The following SLC12A8 variants were observed in gnomAD, a reference collection of about 807,000 sequenced individuals.
SLC12A8 encodes the protein solute carrier family 12 member 8, also known as cation-chloride cotransporter 9.
In SLC12A8, 69 loss-of-function variants were observed where a neutral mutation model predicts 75.6. The ratio of observed to expected loss-of-function variants is 0.91; its 90% CI spans 0.75 to 1.11. SLC12A8 has a LOEUF of 1.11. Ranked by LOEUF, SLC12A8 falls within the 50% of genes most tolerant of loss-of-function variation. The pLI is 0.00. For synonymous variants in SLC12A8, 365 were observed against 372.8 expected, an observed-to-expected ratio of 0.98 and a Z score of 0.24; for missense variants, 877 against 896.7, an observed-to-expected ratio of 0.98 and a Z score of 0.28.
At chr3:125,131,706 C>G (rs1933362626) in intron 6 of SLC12A8, among the ~76,000 whole-genome samples, 1 of 152,154 alleles carries the variant, frequency 6.6e-6, no homozygotes, top group African/African-American at 2.4e-5. Flanking sequence ...TTAGTAACAG[C>G]AAAGCCTTAA....
intron 2 of SLC12A8, among the ~76,000 whole-genome samples, chr3:125,200,552 C>A (rs111994282): frequency 5.9e-5 from 9 of 152,096 alleles, no homozygotes; most frequent in African/African-American, 2.2e-4. Flanking sequence ...TTTTGGCTGA[C>A]CTGGCATTAG....
chr3:125,148,574 T>C (rs1479152204), intron 5 of SLC12A8, among the ~76,000 whole-genome samples: 4 of 152,012 alleles, frequency 2.6e-5, no homozygotes, highest in Non-Finnish European at 5.9e-5. Context: ...TGGGGCATCA[T>C]CTCCTGCCAG....
At position 125,177,946 on chromosome 3, in the gene SLC12A8, C is replaced by A. The variant is rs375031336; in HGVS notation, c.419G>T (p.Gly140Val). 2 of 1,613,618 alleles carry A rather than the reference C, an allele frequency of 1.2e-6. No homozygotes were observed. The highest frequency in any genetic ancestry group is 1.3e-5 in the African/African-American group (1 of 74,928). The part of the protein sequence containing the change: ...QCVAGAMYIT[G>V]FAESISDLLG... ...CAAATCCGAGATGGATTCAGCAAAG[C>A]CGGTGATATACATGGCACCTGCAAC... The change falls in exon 5 of 14, where the codon GGC becomes GTC. Residue 140 changes from glycine (G) to valine (V), a missense_variant. Transcript: ENST00000469902.
chr3:125,211,225 G>C (rs1462600267), intron 2 of SLC12A8, 74 bp downstream of exon 2: 7 of 1,216,626 alleles, frequency 5.8e-6, no homozygotes, highest in Non-Finnish European at 7.3e-6. Context: ...TGTAATGTTT[G>C]CATCCAGCCC....
intron 10 of SLC12A8, among the ~76,000 whole-genome samples, chr3:125,094,919 T>G (rs1354228917): frequency 6.6e-6 from 1 of 152,236 alleles, no homozygotes; most frequent in African/African-American, 2.4e-5. Flanking sequence ...ATGTGATCAC[T>G]TTCTCCTTCT....
intron 10 of SLC12A8, 61 bp from the exon 11 acceptor site, chr3:125,092,259 A>G: frequency 8.5e-7 from 1 of 1,174,642 alleles, no homozygotes; most frequent in Non-Finnish European, 1.3e-6. Flanking sequence ...GTTTTTTAGG[A>G]AAATATACCT....
chr3:125,151,093 G>A (rs1335231068), intron 5 of SLC12A8: 3 of 152,112 alleles, frequency 2.0e-5, no homozygotes, highest in African/African-American at 7.2e-5. Flanking sequence ...TCATAAAGAC[G>A]CTTCGAAAAA....
At chr3:125,099,990 G>T (rs1462385338) in intron 10 of SLC12A8, among the ~76,000 whole-genome samples, 1 of 152,142 alleles carries the variant, frequency 6.6e-6, no homozygotes, top group Non-Finnish European at 1.5e-5. Context: ...TCTACAGTTA[G>T]AAAGCACAGT....
chr3:125,168,045 A>G (rs935924426), intron 5 of SLC12A8, among the ~76,000 whole-genome samples: 3 of 152,194 alleles, frequency 2.0e-5, no homozygotes, highest in Admixed American at 1.3e-4. Context: ...AGTGCATAGG[A>G]GGTGTCAGTC....
intron 5 of SLC12A8, among the ~76,000 whole-genome samples, chr3:125,167,245 G>A (rs1934309450): frequency 6.6e-6 from 1 of 152,030 alleles, no homozygotes; most frequent in Non-Finnish European, 1.5e-5. Context: ...TGCCTCCCGG[G>A]TTCAAGAGAT....
At chr3:125,115,090 C>T (rs1939276616) in intron 8 of SLC12A8, among the ~76,000 whole-genome samples, 1 of 152,100 alleles carries the variant, frequency 6.6e-6, no homozygotes, top group Non-Finnish European at 1.5e-5. Context: ...CTGCTATGTG[C>T]CAGGTAAAAT....
chr3:125,111,906 A>T (rs1399141897), intron 8 of SLC12A8, among the ~76,000 whole-genome samples: 1 of 152,238 alleles, frequency 6.6e-6, no homozygotes. Flanking sequence ...CTGGAGGCAC[A>T]CCCAGCCTCT....
At position 125,115,980 on chromosome 3, in the gene SLC12A8, ACCTCCCAACCAGTGTAGGTTGCAC is replaced by A. The variant is rs370205072; in HGVS notation, c.912+2765_912+2788del. Among the ~76,000 whole-genome samples the A allele has an allele frequency of 7.0e-4, 107 of 152,234 alleles. 1 individual carries two copies. Among genetic ancestry groups the A allele is most frequent in the African/African-American group, 2.5e-3 (102 of 41,546 alleles). On this transcript the variant is annotated intron_variant, in intron 8 of 13. Coordinates refer to ENST00000469902, the MANE Select transcript of SLC12A8 (RefSeq NM_024628.6). ...CAAAGTAAAGAAACTCCGCCCTTGC[ACCTCCCAACCAGTGTAGGTTGCAC>A]CCTCCCATTCTCCAGGTACTGCCAG... is the stretch of plus-strand genomic sequence containing the variant.
intron 6 of SLC12A8, among the ~76,000 whole-genome samples, chr3:125,133,565 AC>A (rs1933415532): frequency 6.6e-6 from 1 of 152,034 alleles, no homozygotes; most frequent in South Asian, 2.1e-4. Flanking sequence ...TGCTGGGACT[AC>A]AGGTGCATGC....
At chr3:125,100,490 C>A (rs1448287226) in intron 10 of SLC12A8, among the ~76,000 whole-genome samples, 10 of 151,748 alleles carry the variant, frequency 6.6e-5, no homozygotes, top group African/African-American at 2.4e-4. Flanking sequence ...TCACCGCAAC[C>A]TCCACCTCCC....
At chr3:125,191,538 A>G (rs943171711) in intron 2 of SLC12A8, among the ~76,000 whole-genome samples, 2 of 152,236 alleles carry the variant, frequency 1.3e-5, no homozygotes, top group Non-Finnish European at 2.9e-5. Context: ...ACTGTGTGCA[A>G]TGAATCTGGA....
intron 6 of SLC12A8, among the ~76,000 whole-genome samples, chr3:125,124,507 A>G (rs777150023): frequency 1.3e-5 from 2 of 152,036 alleles, no homozygotes; most frequent in Non-Finnish European, 2.9e-5. Context: ...TTGTATTTTT[A>G]GTAGAGATGG....
chr3:125,193,238 T>A (rs1199284350), intron 2 of SLC12A8, among the ~76,000 whole-genome samples: 1 of 152,104 alleles, frequency 6.6e-6, no homozygotes, highest in East Asian at 1.9e-4. Flanking sequence ...GGTGTGGTTG[T>A]GTGTGCCTGT....
intron 10 of SLC12A8, among the ~76,000 whole-genome samples, chr3:125,107,152 G>A (rs1331927444): frequency 2.0e-5 from 3 of 152,106 alleles, no homozygotes; most frequent in African/African-American, 4.8e-5. Context: ...CACTTCTCTT[G>A]TAAGGAGAGA....
Sources: gnomAD v4.1 joint callset for allele counts (sites outside exome capture counted in the v4.1 genomes callset) on GRCh38, gnomAD v4.1.1 for gene constraint, MANE v1.5 for transcripts, NCBI Gene and HGNC (gene_info 2026-07-23, HGNC 2026-07-21) for gene names.